LSM14A: variants seen among roughly 807,000 people sequenced by gnomAD.
LSM14A encodes the protein protein LSM14 homolog A.
In LSM14A, 14 loss-of-function variants were observed where a neutral mutation model predicts 52.4. That is an observed-to-expected ratio of 0.27 (90% CI 0.18 to 0.42). LSM14A has a LOEUF of 0.42. Ranked by LOEUF, LSM14A falls within the 10% of genes least tolerant of loss-of-function variation. The probability of loss-of-function intolerance (pLI) is 1.00; values close to 1 mark genes in which losing one functional copy is unlikely to be tolerated. For missense variants in LSM14A, 417 were observed against 581.8 expected (o/e 0.72, Z 2.91); for synonymous variants, 185 against 200.3 (o/e 0.92, Z 0.64).
intron 4 of LSM14A, among the ~76,000 whole-genome samples, chr19:34,209,800 A>G (rs1329766488): frequency 6.7e-6 from 1 of 149,758 alleles, no homozygotes; most frequent in Non-Finnish European, 1.5e-5. Context: ...GCCTCCCCAA[A>G]GTGTTGGGAT....
chr19:34,216,784 G>A lies in LSM14A; in HGVS notation c.781+1123G>A, dbSNP rs1305067753. 3.3e-5 allele frequency among the ~76,000 whole-genome samples: 5 copies of A among 152,210 alleles called. No individual in the cohort carries two copies. The East Asian group carries it at 9.7e-4, about 29-fold the overall frequency. On this transcript the variant is annotated intron_variant, in intron 6 of 9. Coordinates refer to ENST00000544216, the MANE Select transcript of LSM14A (RefSeq NM_015578.4). The stretch of plus-strand genomic sequence containing the variant: ...GGCAGTTATCTTTTAATATGTTCTT[G>A]AGTATTTCCTGCTAGAAGGATTTGT...
Position 34,227,445 on chromosome 19 carries a change from TTGATTTCAG to T in LSM14A, c.*59_*67del. On this transcript the variant is annotated 3_prime_UTR_variant, in exon 10 of 10. Coordinates refer to ENST00000544216, the MANE Select transcript of LSM14A (RefSeq NM_015578.4). ...TTCTAGCTCTTCATGGTCCTGAACA[TTGATTTCAG>T]TCTTTGCAAAGAATGAAGAAGTGAA... is the stretch of plus-strand genomic sequence containing the variant. 3.1e-6 allele frequency: 4 copies of T among 1,293,234 alleles called. No individual in the cohort carries two copies. The South Asian group carries it at 5.6e-5, about 18-fold the overall frequency. The allele number at this position is 1,293,234 out of a possible 1,614,324, so 80.1% of individuals were successfully genotyped here. A position where few individuals can be genotyped will look rare whatever the true frequency, so the allele number is the denominator to read the frequency against.
rs190553073 is a variant in LSM14A at position 34,228,878 on chromosome 19, G to A, written c.*1490G>A. On this transcript the variant is annotated 3_prime_UTR_variant, in exon 10 of 10. Transcript: ENST00000544216. ...ATCTTTTGTATAGCTCTACAAGGCA[G>A]TGTTTTGTAATTTGGTTTCATTATG... The A allele has an allele frequency of 2.0e-5, 3 of 152,724 alleles. No homozygotes were observed. The highest frequency in any genetic ancestry group is 2.1e-4 in the South Asian group (1 of 4,822). 9.5% of individuals were successfully genotyped at this position (152,724 alleles called of 1,614,324 possible).
intron 3 of LSM14A, among the ~76,000 whole-genome samples, chr19:34,199,600 G>A (rs2071141116): frequency 6.6e-6 from 1 of 152,086 alleles, no homozygotes; most frequent in African/African-American, 2.4e-5. Flanking sequence ...GTATGTGTAT[G>A]GACTCATTTT....
At chr19:34,224,716 C>T (rs1019797139) in intron 9 of LSM14A, among the ~76,000 whole-genome samples, 1 of 152,226 alleles carries the variant, frequency 6.6e-6, no homozygotes, top group Admixed American at 6.5e-5. Flanking sequence ...CTGATTCAAG[C>T]AAGCTGCCTC....
In LSM14A at chr19:34,222,839, T is replaced by C. The variant is rs541611614; in HGVS notation, c.1368+1101T>C. On this transcript the variant is annotated intron_variant, in intron 9 of 9. Transcript: ENST00000544216. The stretch of plus-strand genomic sequence containing the variant: ...AATCACCTTCCCAGCTAGGAGAATC[T>C]GTCTTAGGAACTCCAGAATAGCCCT... Among the ~76,000 whole-genome samples the C allele has an allele frequency of 2.6e-5, 4 of 152,328 alleles. No homozygotes were observed. In the East Asian group the frequency reaches 7.7e-4, roughly 29 times the overall value.
chr19:34,227,406 G>C lies in LSM14A; in HGVS notation c.*18G>C. On this transcript the variant is annotated 3_prime_UTR_variant, in exon 10 of 10. Transcript: ENST00000544216. ...CTGCATAGTCTACAAACAAGTCTCT[G>C]AAAATAGGTGAATTTCTAGCTCTTC... 2 of 1,576,206 alleles carry C rather than the reference G, an allele frequency of 1.3e-6. No homozygotes were observed. The highest frequency in any genetic ancestry group is 1.7e-6 in the Non-Finnish European group (2 of 1,162,280).
chr19:34,191,740 T>A (rs1055092485), intron 1 of LSM14A, among the ~76,000 whole-genome samples: 10 of 152,180 alleles, frequency 6.6e-5, no homozygotes, highest in Non-Finnish European at 1.3e-4. Context: ...GGCCTTTGAC[T>A]TTTTCCCTCT....
At chr19:34,181,229 G>A (rs1422904609) in intron 1 of LSM14A, among the ~76,000 whole-genome samples, 7 of 151,876 alleles carry the variant, frequency 4.6e-5, no homozygotes, top group African/African-American at 7.3e-5. Flanking sequence ...CTTCCCTAAC[G>A]TATCTTTCTG....
rs71165632 is a variant in LSM14A, at chr19:34,192,319, G to GTTTTTTTTTTTT, written c.122-2147_122-2136dup. Among the ~76,000 whole-genome samples, 43 of 53,404 alleles carry GTTTTTTTTTTTT rather than the reference G, an allele frequency of 8.1e-4. 2 individuals carry two copies. The highest frequency in any genetic ancestry group is 1.1e-3 in the Non-Finnish European group (33 of 30,624). 35.0% of individuals were successfully genotyped at this position (53,404 alleles called of 152,430 possible). On this transcript the variant is annotated intron_variant, in intron 1 of 9. Coordinates refer to ENST00000544216, the MANE Select transcript of LSM14A (RefSeq NM_015578.4). ...ACACTGAAATAACATTCTTTTTGTT[G>GTTTTTTTTTTTT]TTTTTTTTTTTTTTTTTTTTTTTGG...
intron 9 of LSM14A, among the ~76,000 whole-genome samples, chr19:34,223,548 A>G (rs745438994): frequency 8.5e-5 from 13 of 152,172 alleles, no homozygotes; most frequent in South Asian, 4.1e-4. Flanking sequence ...ATGTTGGCTC[A>G]TGGTATACTG....
At chr19:34,176,908 C>A (rs1355941911) in intron 1 of LSM14A, among the ~76,000 whole-genome samples, 1 of 152,108 alleles carries the variant, frequency 6.6e-6, no homozygotes, top group African/African-American at 2.4e-5. Context: ...TGTAAGAGTT[C>A]TTGTTTCATA....
chr19:34,208,995 C>A lies in LSM14A; in HGVS notation c.482C>A (p.Ala161Glu), dbSNP rs572136254. The change falls in exon 4 of 10, where the codon GCG becomes GAG. Residue 161 changes from alanine to glutamate, a missense_variant. This residue lies in a region of LSM14A where 357 missense variants were observed against 457.0 expected (regional missense o/e 0.78). Coordinates refer to ENST00000544216, the MANE Select transcript of LSM14A (RefSeq NM_015578.4). ...SNSGTLPQSSAVGSAFTQDTR... is the reference protein window; with the variant it reads ...SNSGTLPQSSEVGSAFTQDTR... ...AGTGGTACCTTACCCCAAAGTAGTG[C>A]GGTTGGTTCTGCCTTTACACAGGAT... The A allele has an allele frequency of 4.3e-6, 7 of 1,610,906 alleles. No individual in the cohort carries two copies. Among genetic ancestry groups the A allele is most frequent in the Non-Finnish European group, 5.9e-6 (7 of 1,177,858 alleles).
intron 6 of LSM14A, among the ~76,000 whole-genome samples, chr19:34,217,634 T>G (rs904430459): frequency 5.6e-5 from 7 of 124,340 alleles, no homozygotes; most frequent in African/African-American, 5.9e-5. Flanking sequence ...TTTTTTTTTT[T>G]TTTTTTTTTT....
intron 7 of LSM14A, 45 bp from the exon 8 acceptor site, chr19:34,219,661 C>G: frequency 6.3e-7 from 1 of 1,577,992 alleles, no homozygotes. Context: ...TTATGTAATT[C>G]AGATTAGCTG....
Position 34,227,435 on chromosome 19 carries a change from G to A in LSM14A, c.*47G>A. ...ATAGGTGAATTTCTAGCTCTTCATGGTCCTGAACATTGATTTCAGTCTTTG... is the reference window on the plus strand; with the variant it reads ...ATAGGTGAATTTCTAGCTCTTCATGATCCTGAACATTGATTTCAGTCTTTG... On this transcript the variant is annotated 3_prime_UTR_variant, in exon 10 of 10. Transcript: ENST00000544216. The A allele has an allele frequency of 7.1e-7, 1 of 1,414,346 alleles. No homozygotes were observed. The highest frequency in any genetic ancestry group is 9.7e-7 in the Non-Finnish European group (1 of 1,032,030). The allele number at this position is 1,414,346 out of a possible 1,614,324, so 87.6% of individuals were successfully genotyped here.
chr19:34,183,627 A>G (rs1414357097), intron 1 of LSM14A, among the ~76,000 whole-genome samples: 21 of 152,184 alleles, frequency 1.4e-4, no homozygotes, highest in Non-Finnish European at 2.8e-4. Flanking sequence ...CACAGTTTGG[A>G]AGGCTGAAAA....
chr19:34,208,733 CT>C (rs1334444018), intron 3 of LSM14A, 195 bp from the exon 4 acceptor site: 17 of 480,278 alleles, frequency 3.5e-5, no homozygotes, highest in Non-Finnish European at 5.2e-5. Flanking sequence ...TTGGCTCCCC[CT>C]TCCCCTGCCC....
chr19:34,172,602 C>T lies in LSM14A; in HGVS notation c.-41C>T. 1 of 1,526,932 alleles carries T rather than the reference C, an allele frequency of 6.5e-7. No homozygotes were observed. Among genetic ancestry groups the T allele is most frequent in the Admixed American group, 2.2e-5 (1 of 46,336 alleles). The allele number at this position is 1,526,932 out of a possible 1,614,324, so 94.6% of individuals were successfully genotyped here. A position where few individuals can be genotyped will look rare whatever the true frequency, so the allele number is the denominator to read the frequency against. On this transcript the variant is annotated 5_prime_UTR_variant, in exon 1 of 10. Coordinates refer to ENST00000544216, the MANE Select transcript of LSM14A (RefSeq NM_015578.4). ...GGAGCGGGCGACAGTGGCGTGGGAT[C>T]TGCCTCTCTGCGAGCAGCTGGGAGC...
Sources: allele counts gnomAD v4.1 joint callset (sites outside exome capture counted in the v4.1 genomes callset), GRCh38; gene constraint gnomAD v4.1.1; regional missense constraint gnomAD v4.1.1; transcripts MANE v1.5; gene names NCBI Gene and HGNC (gene_info 2026-07-23, HGNC 2026-07-21).